MRPS22: variants seen among roughly 807,000 people sequenced by gnomAD.
MRPS22 encodes small ribosomal subunit protein mS22.
In MRPS22, 30 loss-of-function variants were observed where a neutral mutation model predicts 44.0. The ratio of observed to expected loss-of-function variants is 0.68; its 90% CI spans 0.51 to 0.93. The LOEUF (loss-of-function observed/expected upper bound fraction) is 0.93, where lower values mean the gene tolerates loss of function less well. Among genes scored for constraint, MRPS22 ranks in the 40% least tolerant of loss-of-function variants. The probability of loss-of-function intolerance (pLI) is 0.00; values close to 1 mark genes in which losing one functional copy is unlikely to be tolerated. For synonymous variants in MRPS22, 165 were observed against 154.4 expected (o/e 1.07, Z -0.51); for missense variants, 447 against 447.8 (o/e 1.00, Z 0.02).
In MRPS22 at chr3:139,346,925, G is replaced by A; in HGVS notation, c.220G>A (p.Glu74Lys). The part of the protein sequence containing the change: ...ETKKPTFMDE[E>K]VQSILTKMTG... ...CAAGAAACCTACATTTATGGATGAGGAAGTTCAAAGCATACTCACGAAAAT... is the reference window on the plus strand; with the variant it reads ...CAAGAAACCTACATTTATGGATGAGAAAGTTCAAAGCATACTCACGAAAAT... The change falls in exon 2 of 8, where the codon GAA becomes AAA. Residue 74 changes from glutamate (E) to lysine (K), a missense_variant. Transcript: ENST00000680020. 1 of 1,614,104 alleles carries A rather than the reference G, an allele frequency of 6.2e-7. No individual in the cohort carries two copies. Among genetic ancestry groups the A allele is most frequent in the Non-Finnish European group, 8.5e-7 (1 of 1,180,008 alleles).
At chr3:139,351,098 A>G (rs2107789492) in intron 5 of MRPS22, 38 bp downstream of exon 5, 1 of 1,463,578 alleles carries the variant, frequency 6.8e-7, no homozygotes, top group East Asian at 2.3e-5. Context: ...AGGCTTAAGT[A>G]TGGTTATGAG....
intron 3 of MRPS22, among the ~76,000 whole-genome samples, chr3:139,349,688 C>T (rs765890021): frequency 6.6e-6 from 1 of 152,138 alleles, no homozygotes; most frequent in Non-Finnish European, 1.5e-5. Flanking sequence ...GACCAGACAG[C>T]CTCTCAGACA....
At chr3:139,349,455 A>G (rs761752780) in intron 3 of MRPS22, 9 of 323,934 alleles carry the variant, frequency 2.8e-5, no homozygotes, top group Middle Eastern at 6.4e-4. Context: ...ATTATCAGCA[A>G]TGTGCAAAGC....
intron 2 of MRPS22, among the ~76,000 whole-genome samples, chr3:139,347,326 T>C (rs1283831801): frequency 6.6e-6 from 1 of 152,098 alleles, no homozygotes; most frequent in Non-Finnish European, 1.5e-5. Flanking sequence ...TTCTGCCTGC[T>C]CCAGCTTCCT....
At chr3:139,344,840 T>C (rs1279306213) in intron 1 of MRPS22, 4 of 555,036 alleles carry the variant, frequency 7.2e-6, no homozygotes, top group Non-Finnish European at 1.3e-5. Context: ...TGAAGAAGAT[T>C]AATTAATTGT....
In MRPS22 at chr3:139,356,912, T is replaced by TAA. The variant is rs1560010003; in HGVS notation, c.988-5_988-4dup. 2.5e-6 allele frequency: 4 copies of TAA among 1,605,698 alleles called. No homozygotes were observed. In the South Asian group the frequency reaches 3.3e-5, roughly 13 times the overall value. On this transcript the variant is annotated splice_region_variant and splice_polypyrimidine_tract_variant and intron_variant, in intron 7 of 7. Transcript: ENST00000680020. The stretch of plus-strand genomic sequence containing the variant: ...TTGTTTTAAAATTTTCTTTTTAATT[T>TAA]AAACAGGTCTTTGCAAAAACAGAAG...
Position 139,355,676 on chromosome 3 carries a change from T to G in MRPS22, c.879-6T>G. 6.2e-7 allele frequency: 1 copy of G among 1,612,086 alleles called. No individual in the cohort carries two copies. Among genetic ancestry groups the G allele is most frequent in the Non-Finnish European group, 8.5e-7 (1 of 1,178,168 alleles). Reference sequence around the variant, plus strand: ...CCTAGATAACATTAAACCCTTTCATTCTCAGAATCGATGATGCAACCAACT... The same window carrying G: ...CCTAGATAACATTAAACCCTTTCATGCTCAGAATCGATGATGCAACCAACT... On this transcript the variant is annotated splice_polypyrimidine_tract_variant and splice_region_variant and intron_variant, in intron 6 of 7. Coordinates refer to ENST00000680020, the MANE Select transcript of MRPS22 (RefSeq NM_020191.4).
In MRPS22 at chr3:139,348,381, G is replaced by A; in HGVS notation, c.504+57G>A. 5.7e-6 allele frequency: 9 copies of A among 1,565,494 alleles called. No homozygotes were observed. The South Asian group carries it at 1.0e-4, about 17-fold the overall frequency. On this transcript the variant is annotated intron_variant, in intron 3 of 7. Coordinates refer to ENST00000680020, the MANE Select transcript of MRPS22 (RefSeq NM_020191.4). The stretch of plus-strand genomic sequence containing the variant: ...TCTTTGAAATACTATGTGGAGAAGG[G>A]CTTGAGAGATGATGTGACCTGGCTG...
rs201190849 is a variant in MRPS22, at chr3:139,350,327, G to A, written c.648+5G>A. The A allele has an allele frequency of 2.5e-6, 4 of 1,613,854 alleles. No homozygotes were observed. The highest frequency in any genetic ancestry group is 1.7e-6 in the Non-Finnish European group (2 of 1,179,972). The stretch of plus-strand genomic sequence containing the variant: ...TTCAAGGAAGAAAATCTTAGGGTAA[G>A]GTGACTTAGGTTTTATGTTTTAGAG... On this transcript the variant is annotated splice_donor_5th_base_variant and intron_variant, in intron 4 of 7. Transcript: ENST00000680020.
At chr3:139,355,621 T>C (rs1941233317) in intron 6 of MRPS22, 61 bp from the exon 7 acceptor site, 3 of 1,354,118 alleles carry the variant, frequency 2.2e-6, no homozygotes, top group Non-Finnish European at 3.2e-6. Flanking sequence ...CACACACTTT[T>C]ATAGGACTGT....
intron 1 of MRPS22, 52 bp from the exon 2 acceptor site, chr3:139,346,826 C>T (rs1941045770): frequency 1.9e-6 from 3 of 1,596,204 alleles, no homozygotes; most frequent in Non-Finnish European, 2.6e-6. Context: ...ATTTAGAGGT[C>T]TTGTTAGCTT....
At chr3:139,354,900 G>T (rs1317847073) in intron 6 of MRPS22, among the ~76,000 whole-genome samples, 3 of 152,214 alleles carry the variant, frequency 2.0e-5, no homozygotes, top group East Asian at 3.9e-4. Context: ...CAAATGGTGG[G>T]AAAGTGTCAG....
chr3:139,347,716 G>T (rs1399405550), intron 2 of MRPS22, among the ~76,000 whole-genome samples: 1 of 152,148 alleles, frequency 6.6e-6, no homozygotes, highest in African/African-American at 2.4e-5. Context: ...CAATTTTCTA[G>T]CAATTTACTT....
chr3:139,346,396 A>G (rs751232132), intron 1 of MRPS22, among the ~76,000 whole-genome samples: 3 of 152,198 alleles, frequency 2.0e-5, no homozygotes, highest in Non-Finnish European at 4.4e-5. Flanking sequence ...GCGCTATGAT[A>G]AATTGGAAAC....
chr3:139,346,428 C>CA (rs1380949963), intron 1 of MRPS22, among the ~76,000 whole-genome samples: 2 of 152,082 alleles, frequency 1.3e-5, no homozygotes, highest in Non-Finnish European at 2.9e-5. Context: ...CAGAACCAGA[C>CA]AAACCTTGGT....
At chr3:139,349,822 A>G (rs976799800) in intron 3 of MRPS22, among the ~76,000 whole-genome samples, 7 of 152,248 alleles carry the variant, frequency 4.6e-5, no homozygotes, top group Admixed American at 2.0e-4. Flanking sequence ...AAATCTGTTT[A>G]GATGAGACTT....
chr3:139,345,481 A>ATCT (rs141120853), intron 1 of MRPS22, among the ~76,000 whole-genome samples: 8,398 of 141,310 alleles, frequency 0.059, 342 homozygotes, highest in Middle Eastern at 0.12. Flanking sequence ...AATTGGGATA[A>ATCT]TCTTCGTGTT....
At chr3:139,350,391 G>C (rs1433770534) in intron 4 of MRPS22, 69 bp downstream of exon 4, 30 of 1,550,798 alleles carry the variant, frequency 1.9e-5, no homozygotes, top group South Asian at 4.5e-5. Context: ...AGTTGGCTTT[G>C]TGCCTTGATC....
chr3:139,355,840 G>T (rs1280974195), intron 7 of MRPS22, 50 bp downstream of exon 7: 1 of 1,334,744 alleles, frequency 7.5e-7, no homozygotes, highest in Non-Finnish European at 1.1e-6. Flanking sequence ...ATTGAGCTGG[G>T]AAAAATTCAG....
Sources: allele counts gnomAD v4.1 joint callset (sites outside exome capture counted in the v4.1 genomes callset), GRCh38; gene constraint gnomAD v4.1.1; transcripts MANE v1.5; gene names NCBI Gene and HGNC (gene_info 2026-07-23, HGNC 2026-07-21).